MGAT4C: variants seen among roughly 807,000 people sequenced by gnomAD.
MGAT4C encodes the protein MGAT4 family member C.
MGAT4C carries 19 observed loss-of-function variants against 40.1 expected under a neutral mutation model. That is an observed-to-expected ratio of 0.47 (90% confidence interval 0.33 to 0.70). The LOEUF (loss-of-function observed/expected upper bound fraction) is 0.70. MGAT4C is among the 30% of genes least tolerant of loss of function. MGAT4C has a pLI of 0.02. For synonymous variants in MGAT4C, 181 were observed against 187.1 expected (o/e 0.97, Z 0.27); for missense variants, 491 against 563.2 (o/e 0.87, Z 1.30).
intron 3 of MGAT4C, among the ~76,000 whole-genome samples, chr12:86,342,963 G>C (rs1954935132): frequency 6.6e-6 from 1 of 151,960 alleles, no homozygotes; most frequent in South Asian, 2.1e-4. Flanking sequence ...TTACTAGATA[G>C]GGTAGAAACA....
intron 2 of MGAT4C, among the ~76,000 whole-genome samples, chr12:86,497,743 G>A (rs937998602): frequency 2.6e-5 from 4 of 151,192 alleles, no homozygotes; most frequent in Non-Finnish European, 4.4e-5. Flanking sequence ...AAGTTTGACT[G>A]TATTGTGCCC....
At chr12:86,358,732 G>A (rs1208232009) in intron 3 of MGAT4C, among the ~76,000 whole-genome samples, 1 of 152,162 alleles carries the variant, frequency 6.6e-6, no homozygotes, top group Non-Finnish European at 1.5e-5. Flanking sequence ...GACAAAGAAG[G>A]CCATTGCATA....
chr12:86,673,352 T>C lies in MGAT4C; in HGVS notation c.-229+53857A>G, dbSNP rs778770896. Among the ~76,000 whole-genome samples, 35 of 152,290 alleles carry C rather than the reference T, an allele frequency of 2.3e-4. No individual in the cohort carries two copies. The Middle Eastern group carries it at 0.01, about 44-fold the overall frequency. ...ATATACTAACACAAAGTAAGCCTTT[T>C]AGAGTTGTTTTGTTTATCATTGTGA... On this transcript the variant is annotated intron_variant, in intron 2 of 7. Coordinates refer to the MGAT4C transcript ENST00000548651.
chr12:86,702,540 T>C (rs1293303441), intron 2 of MGAT4C, among the ~76,000 whole-genome samples: 1 of 152,196 alleles, frequency 6.6e-6, no homozygotes, highest in Non-Finnish European at 1.5e-5. Context: ...GGAAATCCTA[T>C]AGCTCTTAAA....
rs1883411947 is a variant in MGAT4C, at chr12:85,967,199, T to C, written c.*12090A>G. 2.0e-5 allele frequency: 3 copies of C among 152,144 alleles called. No homozygotes were observed. Among genetic ancestry groups the C allele is most frequent in the Admixed American group, 2.0e-4 (3 of 15,266 alleles). 9.4% of individuals were successfully genotyped at this position (152,144 alleles called of 1,614,324 possible). On this transcript the variant is annotated 3_prime_UTR_variant, in exon 5 of 5. Transcript: ENST00000611864. ...TAAAATTGTGAACAAATCTGGTAAA[T>C]CTTTTGGTGTTGCAGGTTCATAATC...
At chr12:86,268,270 A>G (rs1952839537) in intron 4 of MGAT4C, among the ~76,000 whole-genome samples, 1 of 152,080 alleles carries the variant, frequency 6.6e-6, no homozygotes, top group Non-Finnish European at 1.5e-5. Context: ...TCTTTTAGCT[A>G]AAGACATCCT....
At chr12:86,535,898 A>T (rs562775694) in intron 2 of MGAT4C, among the ~76,000 whole-genome samples, 1 of 152,256 alleles carries the variant, frequency 6.6e-6, no homozygotes, top group East Asian at 1.9e-4. Context: ...AACAAAACAT[A>T]CATAAAATTA....
At chr12:86,151,263 T>A (rs1467646892) in intron 1 of MGAT4C, among the ~76,000 whole-genome samples, 1 of 151,846 alleles carries the variant, frequency 6.6e-6, no homozygotes, top group African/African-American at 2.4e-5. Flanking sequence ...TTTTTCTGCC[T>A]GAAATTACAA....
At chr12:86,630,124 C>T (rs1321631463) in intron 2 of MGAT4C, among the ~76,000 whole-genome samples, 1 of 152,140 alleles carries the variant, frequency 6.6e-6, no homozygotes, top group Non-Finnish European at 1.5e-5. Context: ...ACTATAAACA[C>T]CTCTACGCAA....
intron 2 of MGAT4C, among the ~76,000 whole-genome samples, chr12:86,606,457 T>C (rs183748513): frequency 1.3e-5 from 2 of 152,274 alleles, no homozygotes; most frequent in African/African-American, 4.8e-5. Flanking sequence ...CAGATTGCCA[T>C]ATTCTTCTAT....
chr12:86,098,894 G>C (rs769888245), intron 1 of MGAT4C, among the ~76,000 whole-genome samples: 4 of 151,326 alleles, frequency 2.6e-5, no homozygotes, highest in Non-Finnish European at 5.9e-5. Flanking sequence ...CTTTTTCATA[G>C]ACAATGTCAT....
At chr12:86,440,861 A>C (rs1161866830) in intron 2 of MGAT4C, among the ~76,000 whole-genome samples, 2 of 152,018 alleles carry the variant, frequency 1.3e-5, no homozygotes, top group Non-Finnish European at 2.9e-5. Context: ...TCAACAACTC[A>C]ATCCCTTTTA....
At chr12:86,188,904 T>C (rs114324777) in intron 1 of MGAT4C, among the ~76,000 whole-genome samples, 536 of 152,016 alleles carry the variant, frequency 3.5e-3, no homozygotes, top group African/African-American at 0.013. Context: ...AAATAAATAA[T>C]ATAAATAAGT....
chr12:86,328,796 T>C (rs937249228), intron 4 of MGAT4C, among the ~76,000 whole-genome samples: 1 of 152,058 alleles, frequency 6.6e-6, no homozygotes, highest in Admixed American at 6.6e-5. Flanking sequence ...AAACAACTCA[T>C]AAGCTGACTT....
At chr12:85,990,050 T>C (rs1885709756) in intron 2 of MGAT4C, among the ~76,000 whole-genome samples, 1 of 152,094 alleles carries the variant, frequency 6.6e-6, no homozygotes, top group Non-Finnish European at 1.5e-5. Context: ...AGAAAAGTGA[T>C]AAAGAAGTTA....
chr12:85,976,124 T>C lies in MGAT4C; in HGVS notation c.*3165A>G, dbSNP rs1292792625. The C allele has an allele frequency of 6.6e-6, 1 of 151,010 alleles. No individual in the cohort carries two copies. The highest frequency in any genetic ancestry group is 1.5e-5 in the Non-Finnish European group (1 of 67,224). The allele number at this position is 151,010 out of a possible 1,614,324, so 9.4% of individuals were successfully genotyped here. A position where few individuals can be genotyped will look rare whatever the true frequency, so the allele number is the denominator to read the frequency against. ...TTTATATAATTATTATACAGAACAG[T>C]TTTTCTATGATAGCATTATAAAAAT... On this transcript the variant is annotated 3_prime_UTR_variant, in exon 5 of 5. Transcript: ENST00000611864.
At chr12:86,396,324 G>A (rs1956261298) in intron 3 of MGAT4C, among the ~76,000 whole-genome samples, 1 of 152,014 alleles carries the variant, frequency 6.6e-6, no homozygotes, top group East Asian at 1.9e-4. Context: ...TGCCCAATGT[G>A]AGAACCTTAA....
At chr12:86,727,093 AT>A (rs1950834101) in intron 2 of MGAT4C, 1 of 152,144 alleles carries the variant, frequency 6.6e-6, no homozygotes, top group South Asian at 2.1e-4. Context: ...AATTGTTATC[AT>A]TTATACTGTT....
chr12:86,212,616 C>T (rs1950515780), intron 1 of MGAT4C, among the ~76,000 whole-genome samples: 3 of 150,974 alleles, frequency 2.0e-5, no homozygotes, highest in South Asian at 2.1e-4. Flanking sequence ...TGGCCGGGCG[C>T]GGTGGCTCAC....
Sources: gnomAD v4.1 joint callset for allele counts (sites outside exome capture counted in the v4.1 genomes callset) on GRCh38, gnomAD v4.1.1 for gene constraint, MANE v1.5 for transcripts, NCBI Gene and HGNC (gene_info 2026-07-23, HGNC 2026-07-21) for gene names.